The following MRPS6 variants were observed in gnomAD, a reference collection of about 807,000 sequenced individuals.
MRPS6 encodes the protein mitochondrial ribosomal protein S6, also known as small ribosomal subunit protein bS6m.
A neutral mutation model predicts 13.1 loss-of-function variants in MRPS6; 6 were observed. That is an observed-to-expected ratio of 0.46 (90% CI 0.25 to 0.91). The LOEUF (loss-of-function observed/expected upper bound fraction) is 0.91. Among genes scored for constraint, MRPS6 ranks in the 40% least tolerant of loss-of-function variants. The probability of loss-of-function intolerance (pLI) is 0.18; values close to 1 mark genes in which losing one functional copy is unlikely to be tolerated. For missense variants in MRPS6, 164 were observed against 155.6 expected, an observed-to-expected ratio of 1.05 and a Z score of -0.29; for synonymous variants, 61 against 56.5, an observed-to-expected ratio of 1.08 and a Z score of -0.36.
chr21:34,098,808 C>T, intron 1 of MRPS6: 3 of 1,000,040 alleles, frequency 3.0e-6, no homozygotes, highest in Non-Finnish European at 3.6e-6. Context: ...TTACGTACTT[C>T]TGTGTCTTCG....
In MRPS6 at chr21:34,142,971, T is replaced by A. The variant is rs368496956; in HGVS notation, c.*371T>A. On this transcript the variant is annotated 3_prime_UTR_variant, in exon 3 of 3. Coordinates refer to ENST00000399312, the MANE Select transcript of MRPS6 (RefSeq NM_032476.4). ...TGTGTAACCATGTGGAAATAAAAAT[T>A]GACGACCAATGTATTATATGGACAA... The A allele has an allele frequency of 6.1e-6, 1 of 164,722 alleles. No individual in the cohort carries two copies. Among genetic ancestry groups the A allele is most frequent in the African/African-American group, 2.4e-5 (1 of 41,914 alleles). The allele number at this position is 164,722 out of a possible 1,614,324, so 10.2% of individuals were successfully genotyped here. A position where few individuals can be genotyped will look rare whatever the true frequency, so the allele number is the denominator to read the frequency against.
intron 1 of MRPS6, chr21:34,105,555 A>T (rs1191556688): frequency 2.0e-6 from 2 of 999,688 alleles, no homozygotes; most frequent in African/African-American, 3.5e-5. Context: ...CCTGCTTATG[A>T]TGCTTTGTTC....
At chr21:34,123,848 C>T (rs1186455425) in intron 1 of MRPS6, 1 of 152,226 alleles carries the variant, frequency 6.6e-6, no homozygotes, top group Non-Finnish European at 1.5e-5. Flanking sequence ...GCCCATGTAG[C>T]TACCACACCG....
chr21:34,079,651 A>C (rs1989416569), intron 1 of MRPS6, among the ~76,000 whole-genome samples: 1 of 111,544 alleles, frequency 9.0e-6, no homozygotes, highest in Non-Finnish European at 1.7e-5. Context: ...ATGGGGTTTC[A>C]CCATGTTGGC....
intron 1 of MRPS6, among the ~76,000 whole-genome samples, chr21:34,087,642 C>G (rs890001188): frequency 6.6e-6 from 1 of 152,172 alleles, no homozygotes; most frequent in Non-Finnish European, 1.5e-5. Context: ...GGAGACAGGT[C>G]TTGTGGAAAC....
At chr21:34,074,682 T>TC (rs1176988674) in intron 1 of MRPS6, among the ~76,000 whole-genome samples, 1 of 152,200 alleles carries the variant, frequency 6.6e-6, no homozygotes, top group Admixed American at 6.5e-5. Flanking sequence ...TGTTTTTTTT[T>TC]CTCCACCAGG....
chr21:34,091,761 A>G (rs1476498377), intron 1 of MRPS6, among the ~76,000 whole-genome samples: 3 of 152,182 alleles, frequency 2.0e-5, no homozygotes, highest in Admixed American at 6.5e-5. Context: ...CTCTGTTTCA[A>G]AGCACCTTTG....
At chr21:34,137,548 A>T (rs1041653229) in intron 2 of MRPS6, among the ~76,000 whole-genome samples, 1 of 152,218 alleles carries the variant, frequency 6.6e-6, no homozygotes, top group Non-Finnish European at 1.5e-5. Context: ...CAAATAAGAC[A>T]GTCTCACTTT....
intron 1 of MRPS6, chr21:34,104,008 A>G (rs376919121): frequency 1.0e-6 from 1 of 1,000,132 alleles, no homozygotes; most frequent in South Asian, 4.7e-5. Flanking sequence ...TTTAGGAAAT[A>G]TTACCTCTTA....
intron 1 of MRPS6, among the ~76,000 whole-genome samples, chr21:34,107,225 C>CCCAG (rs1979516675): frequency 6.6e-6 from 1 of 152,224 alleles, no homozygotes; most frequent in African/African-American, 2.4e-5. Context: ...AGCCACTGTG[C>CCCAG]CCAGCCGGTA....
chr21:34,117,850 C>T (rs953504106), intron 1 of MRPS6, among the ~76,000 whole-genome samples: 1 of 152,052 alleles, frequency 6.6e-6, no homozygotes, highest in African/African-American at 2.4e-5. Flanking sequence ...TTTAAAATGG[C>T]TTCCCCATAA....
chr21:34,100,465 A>G (rs1303604710), intron 1 of MRPS6: 6 of 1,000,092 alleles, frequency 6.0e-6, no homozygotes, highest in South Asian at 4.7e-5. Context: ...GCATCAAGCA[A>G]TAGCAATGGT....
At chr21:34,100,741 T>C (rs879015547) in intron 1 of MRPS6, 5 of 999,970 alleles carry the variant, frequency 5.0e-6, no homozygotes, top group Non-Finnish European at 6.0e-6. Context: ...CAATAGAGTG[T>C]GTCTGTATTC....
At chr21:34,083,918 A>G (rs1602910080) in intron 1 of MRPS6, among the ~76,000 whole-genome samples, 2 of 152,376 alleles carry the variant, frequency 1.3e-5, no homozygotes, top group East Asian at 3.8e-4. Flanking sequence ...GTCATCTGGC[A>G]TACAAAGAAA....
At chr21:34,097,883 T>A in intron 1 of MRPS6, 3 of 997,854 alleles carry the variant, frequency 3.0e-6, no homozygotes, top group Non-Finnish European at 3.6e-6. Flanking sequence ...AGGTTCATTT[T>A]GTTAGCATGA....
chr21:34,108,333 T>G (rs56823053), intron 1 of MRPS6, among the ~76,000 whole-genome samples: 4,938 of 152,276 alleles, frequency 0.032, 272 homozygotes, highest in African/African-American at 0.11. Flanking sequence ...CAAGTACTTG[T>G]CGTTGTGCGG....
At chr21:34,074,881 A>T (rs1421891906) in intron 1 of MRPS6, among the ~76,000 whole-genome samples, 1 of 152,196 alleles carries the variant, frequency 6.6e-6, no homozygotes, top group Non-Finnish European at 1.5e-5. Flanking sequence ...GGAGATTGTT[A>T]GGAAGTGTGC....
Position 34,073,579 on chromosome 21 carries a change from C to G in MRPS6, c.-122C>G. The G allele has an allele frequency of 1.2e-6, 1 of 809,862 alleles. No homozygotes were observed. Among genetic ancestry groups the G allele is most frequent in the Non-Finnish European group, 1.9e-6 (1 of 532,736 alleles). The allele number at this position is 809,862 out of a possible 1,614,324, so 50.2% of individuals were successfully genotyped here. A position where few individuals can be genotyped will look rare whatever the true frequency, so the allele number is the denominator to read the frequency against. ...CCCGGGCTCGCGCTCTCGGACCGTG[C>G]TTTCGCCGCCTGGGAGCCGTCCGGC... is the stretch of plus-strand genomic sequence containing the variant. On this transcript the variant is annotated 5_prime_UTR_variant, in exon 1 of 3. Coordinates refer to ENST00000399312, the MANE Select transcript of MRPS6 (RefSeq NM_032476.4).
Position 34,096,494 on chromosome 21 carries a change from G to A in MRPS6, c.45+22749G>A, listed in dbSNP as rs781120517. On this transcript the variant is annotated intron_variant, in intron 1 of 2. Coordinates refer to ENST00000399312, the MANE Select transcript of MRPS6 (RefSeq NM_032476.4). The surrounding 1 kb of genome is among the most constrained non-coding windows in gnomAD (Gnocchi z 5.9). ...CATGGGTGCCAATCATCGTGGAGAT[G>A]CAAGGAGGCCAGATGTACCTTTACA... 3 of 1,614,198 alleles carry A rather than the reference G, an allele frequency of 1.9e-6. No homozygotes were observed. Among genetic ancestry groups the A allele is most frequent in the Non-Finnish European group, 2.5e-6 (3 of 1,180,036 alleles).
Sources: allele counts gnomAD v4.1 joint callset (sites outside exome capture counted in the v4.1 genomes callset), GRCh38; gene constraint gnomAD v4.1.1; non-coding constraint Gnocchi (gnomAD v3.1); transcripts MANE v1.5; gene names NCBI Gene and HGNC (gene_info 2026-07-23, HGNC 2026-07-21).